KANK3: variants seen among roughly 807,000 people sequenced by gnomAD.
KANK3 encodes KN motif and ankyrin repeat domains 3.
A neutral mutation model predicts 65.4 loss-of-function variants in KANK3; 61 were observed. The observed-to-expected ratio is 0.93, with a 90% CI of 0.76 to 1.15. The LOEUF is 1.15. KANK3 is among the 50% of genes most tolerant of loss of function. The pLI, the probability that KANK3 is intolerant of heterozygous loss-of-function variation, is 0.00. For synonymous variants in KANK3, 586 were observed against 543.3 expected, an observed-to-expected ratio of 1.08 and a Z score of -1.09; for missense variants, 1,187 against 1,178.8, an observed-to-expected ratio of 1.01 and a Z score of -0.10.
chr19:8,332,934 A>T (rs1970552142), intron 7 of KANK3, 80 bp downstream of exon 7: 1 of 1,176,734 alleles, frequency 8.5e-7, no homozygotes. Flanking sequence ...TCCTCTCCAG[A>T]GTCTTTGAGC....
intron 1 of KANK3, 69 bp downstream of exon 1, chr19:8,343,156 T>C (rs2145447029): frequency 6.6e-6 from 1 of 151,782 alleles, no homozygotes; most frequent in Non-Finnish European, 1.5e-5. Context: ...CAGCGCCGGG[T>C]CCCGGTGCGT....
chr19:8,334,306 G>T lies in KANK3; in HGVS notation c.1427+14C>A. On this transcript the variant is annotated intron_variant, in intron 4 of 10. Transcript: ENST00000330915. ...TCCCGGCAGAAGCTGCCACAGGAGG[G>T]GAAAGGCGCTCACTCTCCGTTGAGG... 6.2e-7 allele frequency: 1 copy of T among 1,613,760 alleles called. No homozygotes were observed. Among genetic ancestry groups the T allele is most frequent in the South Asian group, 1.1e-5 (1 of 91,074 alleles).
At chr19:8,332,309 C>A (rs1268043533) in intron 7 of KANK3, among the ~76,000 whole-genome samples, 1 of 151,968 alleles carries the variant, frequency 6.6e-6, no homozygotes, top group Non-Finnish European at 1.5e-5. Context: ...TCCTGAGTAG[C>A]TGGAATTACA....
chr19:8,336,899 G>A (rs1010302153), intron 2 of KANK3, among the ~76,000 whole-genome samples: 2 of 152,044 alleles, frequency 1.3e-5, no homozygotes, highest in African/African-American at 2.4e-5. Flanking sequence ...AGGGTGTCCC[G>A]AGCAGAGTAA....
chr19:8,336,330 C>T (rs1970636796), intron 2 of KANK3, among the ~76,000 whole-genome samples: 1 of 151,444 alleles, frequency 6.6e-6, no homozygotes, highest in South Asian at 2.1e-4. Context: ...CCAGCTACTC[C>T]GGAAGCTGAG....
intron 1 of KANK3, among the ~76,000 whole-genome samples, chr19:8,340,564 C>T (rs925720535): frequency 2.6e-5 from 4 of 152,100 alleles, no homozygotes; most frequent in African/African-American, 7.2e-5. Flanking sequence ...TGGGCCACGG[C>T]CCGTCTGTGC....
chr19:8,337,847 C>G lies in KANK3; in HGVS notation c.-19G>C. 1 of 1,613,386 alleles carries G rather than the reference C, an allele frequency of 6.2e-7. No individual in the cohort carries two copies. Among genetic ancestry groups the G allele is most frequent in the Non-Finnish European group, 8.5e-7 (1 of 1,179,980 alleles). On this transcript the variant is annotated 5_prime_UTR_variant, in exon 2 of 11. Coordinates refer to ENST00000330915, the MANE Select transcript of KANK3 (RefSeq NM_198471.3). ...TGGCCATGTTTCCTGCAGCAGCTGTCAGAGGCACCCTGCAAAAGGGGTGAA... is the reference window on the plus strand; with the variant it reads ...TGGCCATGTTTCCTGCAGCAGCTGTGAGAGGCACCCTGCAAAAGGGGTGAA...
chr19:8,324,756 C>T lies in KANK3; in HGVS notation c.2157G>A (p.Gly719=), dbSNP rs757052567. ...CCGCATCCTGCGCATTCACATCAGC[C>T]CCACACGCCAGTAGGGTTGCCACCA... The part of the protein sequence containing the change: ...QDMVATLLAC[G]ADVNAQDADG... Residue 719 remains glycine, a synonymous_variant, in exon 9 of 11, where the codon GGG becomes GGA. Transcript: ENST00000330915. 5 of 1,614,070 alleles carry T rather than the reference C, an allele frequency of 3.1e-6. No individual in the cohort carries two copies. The highest frequency in any genetic ancestry group is 4.2e-6 in the Non-Finnish European group (5 of 1,180,034).
Position 8,335,209 on chromosome 19 carries a change from C to G in KANK3, c.618G>C (p.Thr206=). 1 of 1,219,438 alleles carries G rather than the reference C, an allele frequency of 8.2e-7. No individual in the cohort carries two copies. Among genetic ancestry groups the G allele is most frequent in the Non-Finnish European group, 1.0e-6 (1 of 979,706 alleles). The allele number at this position is 1,219,438 out of a possible 1,614,324, so 75.5% of individuals were successfully genotyped here. ...GCACCTGCTCCTGCAGCTCGGGCAG[C>G]GTTCGCGCCTGGTCCTCGAGCTCGC... ...RLRELEDQAR[T]LPELQEQVRA... The change falls in exon 3 of 11, where the codon ACG becomes ACC. Residue 206 remains threonine, a synonymous_variant. Coordinates refer to ENST00000330915, the MANE Select transcript of KANK3 (RefSeq NM_198471.3).
rs930146608 is a variant in KANK3 at position 8,333,370 on chromosome 19, G to T, written c.1720-140C>A. On this transcript the variant is annotated intron_variant, in intron 6 of 10. Transcript: ENST00000330915. The surrounding 1 kb of genome is among the most constrained non-coding windows in gnomAD (Gnocchi z 5.0). ...AAGGAAGGTCACTCCTCGTCCAGGT[G>T]GGGAGCCATGCGAACCCAGATGGAG... 2 of 710,052 alleles carry T rather than the reference G, an allele frequency of 2.8e-6. No individual in the cohort carries two copies. The highest frequency in any genetic ancestry group is 2.9e-5 in the Admixed American group (1 of 34,982). 44.0% of individuals were successfully genotyped at this position (710,052 alleles called of 1,614,324 possible).
rs780513093 is a variant in KANK3, at chr19:8,334,314, G to A, written c.1427+6C>T. ...GAAGCTGCCACAGGAGGGGAAAGGCGCTCACTCTCCGTTGAGGACCCCAAC... is the reference window on the plus strand; with the variant it reads ...GAAGCTGCCACAGGAGGGGAAAGGCACTCACTCTCCGTTGAGGACCCCAAC... On this transcript the variant is annotated splice_donor_region_variant and intron_variant, in intron 4 of 10. Transcript: ENST00000330915. The A allele has an allele frequency of 3.4e-5, 55 of 1,613,752 alleles. No homozygotes were observed. Among genetic ancestry groups the A allele is most frequent in the Non-Finnish European group, 4.1e-5 (48 of 1,179,938 alleles).
intron 1 of KANK3, among the ~76,000 whole-genome samples, chr19:8,339,438 C>T (rs3111572): frequency 0.15 from 22,449 of 150,542 alleles, 2,043 homozygotes; most frequent in Non-Finnish European, 0.21. Flanking sequence ...TGGCTCACTG[C>T]AACCTCTGCC....
chr19:8,342,984 A>C (rs1054542196), intron 1 of KANK3, among the ~76,000 whole-genome samples: 1 of 152,042 alleles, frequency 6.6e-6, no homozygotes, highest in Non-Finnish European at 1.5e-5. Context: ...CCCCGCAGTG[A>C]GCTCCCGAAG....
At position 8,334,914 on chromosome 19, in the gene KANK3, C is replaced by A. The variant is rs1162015227; in HGVS notation, c.913G>T (p.Ala305Ser). The A allele has an allele frequency of 6.8e-7, 1 of 1,461,396 alleles. No homozygotes were observed. The highest frequency in any genetic ancestry group is 1.3e-5 in the South Asian group (1 of 74,892). 90.5% of individuals were successfully genotyped at this position (1,461,396 alleles called of 1,614,324 possible). ...DGTPQTREVA[A>S]EAVPETREAG... ...TCTCGGGTCTCGGGCACGGCCTCGG[C>A]GGCCACCTCCCGGGTCTGGGGCGTC... The change falls in exon 3 of 11, where the codon GCC (alanine) becomes TCC (serine). Residue 305 changes from alanine (A) to serine (S), a missense_variant. Coordinates refer to ENST00000330915, the MANE Select transcript of KANK3 (RefSeq NM_198471.3).
intron 7 of KANK3, among the ~76,000 whole-genome samples, chr19:8,325,747 A>G (rs1029297624): frequency 8.5e-5 from 13 of 152,102 alleles, no homozygotes; most frequent in African/African-American, 3.1e-4. Flanking sequence ...CCAAGCCACC[A>G]TCATTGCTCC....
At position 8,334,841 on chromosome 19, in the gene KANK3, G is replaced by A; in HGVS notation, c.986C>T (p.Ala329Val). ...GTCCGCCTCCACGGTCTCGGGGGCA[G>A]CCTCCACGCCGGCCTCCCGGGTCTC... is the stretch of plus-strand genomic sequence containing the variant. Reference protein sequence around the residue: ...VPETREAGVEAAPETVEADAW... With the variant: ...VPETREAGVEVAPETVEADAW... Residue 329 changes from alanine (A) to valine (V), a missense_variant, in exon 3 of 11, where the codon GCT (alanine) becomes GTT (valine). By Grantham distance (64) the Ala-to-Val change is moderately conservative. This residue lies in a region of KANK3 where 1,078 missense variants were observed against 1,038.2 expected (regional missense o/e 1.04). Transcript: ENST00000330915. The A allele has an allele frequency of 6.8e-7, 1 of 1,473,260 alleles. No homozygotes were observed. 91.3% of individuals were successfully genotyped at this position (1,473,260 alleles called of 1,614,324 possible).
rs888899991 is a variant in KANK3, at chr19:8,334,813, C to T, written c.1014G>A (p.Ala338=). ...EAAPETVEAD[A]WVTEALLGLP... is the part of the protein sequence containing the mutation. ...GCCCCAGCAGCGCCTCGGTCACCCACGCGTCCGCCTCCACGGTCTCGGGGG... is the reference window on the plus strand; with the variant it reads ...GCCCCAGCAGCGCCTCGGTCACCCATGCGTCCGCCTCCACGGTCTCGGGGG... The change falls in exon 3 of 11, where the codon GCG becomes GCA. Residue 338 remains alanine, a synonymous_variant. Coordinates refer to ENST00000330915, the MANE Select transcript of KANK3 (RefSeq NM_198471.3). The T allele has an allele frequency of 1.6e-5, 24 of 1,493,876 alleles. No individual in the cohort carries two copies. In the African/African-American group the frequency reaches 3.4e-4, roughly 21 times the overall value. 92.5% of individuals were successfully genotyped at this position (1,493,876 alleles called of 1,614,324 possible). A position where few individuals can be genotyped will look rare whatever the true frequency, so the allele number is the denominator to read the frequency against.
At chr19:8,327,241 C>G (rs927906356) in intron 7 of KANK3, among the ~76,000 whole-genome samples, 4 of 152,124 alleles carry the variant, frequency 2.6e-5, no homozygotes, top group Non-Finnish European at 5.9e-5. Context: ...TGACTAACGC[C>G]TGTACACCCA....
chr19:8,328,268 T>C (rs577658936), intron 7 of KANK3, among the ~76,000 whole-genome samples: 1 of 152,046 alleles, frequency 6.6e-6, no homozygotes, highest in Non-Finnish European at 1.5e-5. Flanking sequence ...TTAAAAAGAA[T>C]CACCCTTTGT....
Sources: allele counts gnomAD v4.1 joint callset (sites outside exome capture counted in the v4.1 genomes callset), GRCh38; gene constraint gnomAD v4.1.1; regional missense constraint gnomAD v4.1.1; non-coding constraint Gnocchi (gnomAD v3.1); transcripts MANE v1.5; gene names NCBI Gene and HGNC (gene_info 2026-07-23, HGNC 2026-07-21).